The following SSH2 variants were observed in gnomAD, a reference collection of about 807,000 sequenced individuals.
SSH2 encodes the protein protein phosphatase Slingshot homolog 2.
SSH2 carries 37 observed loss-of-function variants against 135.2 expected under a neutral mutation model. That is an observed-to-expected ratio of 0.27 (90% CI 0.21 to 0.36). The LOEUF is 0.36. SSH2 is among the 10% of genes least tolerant of loss of function. The pLI, the probability that SSH2 is intolerant of heterozygous loss-of-function variation, is 1.00. For synonymous variants in SSH2, 628 were observed against 646.2 expected (o/e 0.97, Z 0.43); for missense variants, 1,408 against 1,765.3 (o/e 0.80, Z 3.63).
intron 3 of SSH2, among the ~76,000 whole-genome samples, chr17:29,791,985 T>C (rs1258957207): frequency 1.3e-5 from 2 of 150,348 alleles, no homozygotes; most frequent in Admixed American, 1.3e-4. Flanking sequence ...TGCAGTTGTG[T>C]GGTCTCTGCT....
At chr17:29,747,418 T>C (rs970739459) in intron 3 of SSH2, among the ~76,000 whole-genome samples, 3 of 152,110 alleles carry the variant, frequency 2.0e-5, no homozygotes, top group African/African-American at 4.8e-5. Context: ...CCTCTAAAAA[T>C]AGATTAATGC....
At chr17:29,922,947 G>A (rs2067001115) in intron 1 of SSH2, among the ~76,000 whole-genome samples, 1 of 152,204 alleles carries the variant, frequency 6.6e-6, no homozygotes, top group Non-Finnish European at 1.5e-5. Context: ...GTCATGCTCT[G>A]TTACCCAGGC....
chr17:29,868,400 T>C (rs978639842), intron 1 of SSH2, among the ~76,000 whole-genome samples: 1 of 152,142 alleles, frequency 6.6e-6, no homozygotes, highest in African/African-American at 2.4e-5. Flanking sequence ...GCCAAGCGCC[T>C]TGGGGGAACC....
At chr17:29,759,300 T>C (rs928600615) in intron 3 of SSH2, among the ~76,000 whole-genome samples, 7 of 152,164 alleles carry the variant, frequency 4.6e-5, no homozygotes, top group African/African-American at 1.7e-4. Flanking sequence ...CCTCCCAAAG[T>C]GCTGGGACTA....
chr17:29,778,265 TGA>T (rs2041753616), intron 3 of SSH2, among the ~76,000 whole-genome samples: 1 of 152,300 alleles, frequency 6.6e-6, no homozygotes, highest in East Asian at 1.9e-4. Context: ...ACCCTGGTAA[TGA>T]GAGAGAAAGT....
intron 1 of SSH2, among the ~76,000 whole-genome samples, chr17:29,889,825 A>C (rs1003337451): frequency 4.0e-5 from 6 of 150,224 alleles, no homozygotes; most frequent in Admixed American, 6.6e-5. Context: ...AAAAAAAAAA[A>C]AAACCAGCCA....
At chr17:29,768,738 G>A (rs1276704247) in intron 3 of SSH2, among the ~76,000 whole-genome samples, 1 of 152,140 alleles carries the variant, frequency 6.6e-6, no homozygotes, top group Non-Finnish European at 1.5e-5. Flanking sequence ...TAACATTATA[G>A]GTGAATGAAC....
At chr17:29,860,362 T>C (rs564447573) in intron 1 of SSH2, among the ~76,000 whole-genome samples, 1 of 152,316 alleles carries the variant, frequency 6.6e-6, no homozygotes, top group African/African-American at 2.4e-5. Context: ...ATCAGTGATG[T>C]TGAGCTTTTT....
At chr17:29,793,634 C>CT (rs201345205) in intron 3 of SSH2, 4,558 of 284,134 alleles carry the variant, frequency 0.016, no homozygotes, top group Middle Eastern at 0.03. Flanking sequence ...CGCTCTTACT[C>CT]TTTTTTTTTT....
rs770881829 is a variant in SSH2 at position 29,631,206 on chromosome 17, C to T, written c.3988G>A (p.Glu1330Lys). ...LRTDSGMHAMEDQESLENPGA... is the reference protein window; with the variant it reads ...LRTDSGMHAMKDQESLENPGA... ...GGGTTTTCTAGGGACTCTTGGTCCT[C>T]CATCGCGTGCATGCCTGAGTCTGTT... is the stretch of plus-strand genomic sequence containing the variant. The change falls in exon 16 of 16, where the codon GAG becomes AAG. Residue 1330 changes from glutamate (E) to lysine (K), a missense_variant. Physicochemically the swap from Glu to Lys is moderately conservative, Grantham distance 56. Transcript: ENST00000540801. 1 of 1,614,086 alleles carries T rather than the reference C, an allele frequency of 6.2e-7. No homozygotes were observed. Among genetic ancestry groups the T allele is most frequent in the East Asian group, 2.2e-5 (1 of 44,880 alleles).
intron 3 of SSH2, among the ~76,000 whole-genome samples, chr17:29,731,435 T>G (rs916365943): frequency 2.7e-5 from 4 of 146,814 alleles, no homozygotes; most frequent in Non-Finnish European, 6.0e-5. Context: ...ATTTATTTAT[T>G]TATTTATTTA....
chr17:29,701,600 T>C (rs2038985371), intron 4 of SSH2, among the ~76,000 whole-genome samples: 1 of 151,850 alleles, frequency 6.6e-6, no homozygotes, highest in Non-Finnish European at 1.5e-5. Flanking sequence ...AAGTGGAGTC[T>C]TGCTCTGTTG....
intron 2 of SSH2, among the ~76,000 whole-genome samples, chr17:29,813,616 G>C (rs998225252): frequency 1.3e-5 from 2 of 149,126 alleles, no homozygotes; most frequent in Non-Finnish European, 3.0e-5. Flanking sequence ...TCAGGAGTTC[G>C]AGACCAGCCT....
chr17:29,876,085 C>T (rs1236662292), intron 1 of SSH2, among the ~76,000 whole-genome samples: 4 of 148,772 alleles, frequency 2.7e-5, no homozygotes, highest in Non-Finnish European at 5.9e-5. Flanking sequence ...TCTACACATT[C>T]AATGTAATTT....
chr17:29,789,791 C>T (rs1018808951), intron 3 of SSH2, among the ~76,000 whole-genome samples: 3 of 152,204 alleles, frequency 2.0e-5, no homozygotes, highest in Admixed American at 2.0e-4. Flanking sequence ...GGATTATTTT[C>T]AAGTCTTAAG....
chr17:29,701,258 A>C (rs2038966468), intron 4 of SSH2, among the ~76,000 whole-genome samples: 2 of 152,042 alleles, frequency 1.3e-5, no homozygotes, highest in Non-Finnish European at 2.9e-5. Flanking sequence ...GGCGTGAGCC[A>C]CTGTGCCCGG....
intron 3 of SSH2, among the ~76,000 whole-genome samples, chr17:29,704,732 C>T (rs1339284020): frequency 5.4e-4 from 67 of 125,152 alleles, no homozygotes; most frequent in Non-Finnish European, 3.1e-4. Context: ...AAAAGCAAAA[C>T]ACAAAAACTA....
chr17:29,778,935 T>C (rs905289031), intron 3 of SSH2, among the ~76,000 whole-genome samples: 2 of 151,786 alleles, frequency 1.3e-5, no homozygotes, highest in Non-Finnish European at 2.9e-5. Context: ...GTCTGGGTTT[T>C]CATAATATCC....
rs561124967 is a variant in SSH2, at chr17:29,635,483, C to A, written c.2262+485G>T. ...GCAGTGGCACAATCTCGGCTCACTG[C>A]AAGCTCCGCCTCCTGGGTTCACACC... On this transcript the variant is annotated intron_variant, in intron 15 of 15. Transcript: ENST00000540801. Among the ~76,000 whole-genome samples the A allele has an allele frequency of 1.1e-3, 175 of 152,174 alleles. 5 individuals are homozygous for A. In the South Asian group the frequency reaches 0.033, roughly 28 times the overall value.
Sources: gnomAD v4.1 joint callset for allele counts (sites outside exome capture counted in the v4.1 genomes callset) on GRCh38, gnomAD v4.1.1 for gene constraint, MANE v1.5 for transcripts, NCBI Gene and HGNC (gene_info 2026-07-23, HGNC 2026-07-21) for gene names.